Variants in ATP6V0A4 observed in about 807,000 individuals in gnomAD.
ATP6V0A4 encodes the protein ATPase H+ transporting V0 subunit a4, also known as V-type proton ATPase 116 kDa subunit a 4.
Under a neutral mutation model 107.3 loss-of-function variants are expected in ATP6V0A4, and 86 were observed. The ratio of observed to expected loss-of-function variants is 0.80; its 90% CI spans 0.67 to 0.96. ATP6V0A4 has a LOEUF of 0.96. Among genes scored for constraint, ATP6V0A4 ranks in the 40% least tolerant of loss-of-function variants. ATP6V0A4 has a pLI of 0.00. For missense variants in ATP6V0A4, 908 were observed against 1,045.6 expected (o/e 0.87, Z 1.81); for synonymous variants, 353 against 381.4 (o/e 0.93, Z 0.87).
intron 19 of ATP6V0A4, among the ~76,000 whole-genome samples, chr7:138,721,510 G>A (rs1365645381): frequency 1.3e-5 from 2 of 152,106 alleles, no homozygotes; most frequent in African/African-American, 2.4e-5. Flanking sequence ...CTCCAGCCTG[G>A]GCAACAGAGT....
intron 19 of ATP6V0A4, among the ~76,000 whole-genome samples, chr7:138,717,533 G>C (rs1257524983): frequency 6.6e-6 from 1 of 151,000 alleles, no homozygotes; most frequent in Non-Finnish European, 1.5e-5. Flanking sequence ...AACAGAGTGA[G>C]ACTCTGTCTA....
At chr7:138,753,737 G>A (rs879881432) in intron 10 of ATP6V0A4, among the ~76,000 whole-genome samples, 12 of 152,272 alleles carry the variant, frequency 7.9e-5, no homozygotes, top group Admixed American at 2.6e-4. Context: ...TGAGGCCACC[G>A]AAGCATCTCA....
intron 21 of ATP6V0A4, among the ~76,000 whole-genome samples, chr7:138,709,231 A>AAT (rs1562974198): frequency 1.3e-5 from 2 of 149,602 alleles, no homozygotes; most frequent in Non-Finnish European, 1.5e-5. Context: ...AAAAAAAAAA[A>AAT]GCCAAATATT....
At chr7:138,792,309 C>T (rs937289245) in intron 1 of ATP6V0A4, among the ~76,000 whole-genome samples, 4 of 152,068 alleles carry the variant, frequency 2.6e-5, no homozygotes, top group Non-Finnish European at 5.9e-5. Flanking sequence ...AGTTAAAGTT[C>T]TGAGGTCTTC....
chr7:138,784,241 T>TATATATATAC (rs1554402597), intron 2 of ATP6V0A4, among the ~76,000 whole-genome samples: 10 of 39,506 alleles, frequency 2.5e-4, no homozygotes, highest in African/African-American at 7.5e-4. Flanking sequence ...TATACGTATA[T>TATATATATAC]ATATATATAT....
intron 8 of ATP6V0A4, among the ~76,000 whole-genome samples, chr7:138,758,853 T>C (rs892896164): frequency 6.8e-6 from 1 of 146,926 alleles, no homozygotes; most frequent in Admixed American, 7.0e-5. Flanking sequence ...TGGGTACCAG[T>C]GATTCTCCTG....
At chr7:138,763,840 C>T (rs569959089) in intron 5 of ATP6V0A4, among the ~76,000 whole-genome samples, 84 of 151,068 alleles carry the variant, frequency 5.6e-4, no homozygotes, top group African/African-American at 2.0e-3. Flanking sequence ...CAGAAATTAG[C>T]CGGGCAAAAC....
intron 18 of ATP6V0A4, among the ~76,000 whole-genome samples, chr7:138,723,514 C>A (rs1422638128): frequency 9.3e-6 from 1 of 107,302 alleles, no homozygotes; most frequent in Admixed American, 1.2e-4. Context: ...CTGGACCCTT[C>A]TTTCTTTTCT....
In ATP6V0A4 at chr7:138,762,332, A is replaced by G. The variant is rs781538567; in HGVS notation, c.512+8T>C. On this transcript the variant is annotated splice_region_variant and intron_variant, in intron 7 of 21. Coordinates refer to ENST00000310018, the MANE Select transcript of ATP6V0A4 (RefSeq NM_020632.3). ...AGGGACCCATCTACACACAAGAATT[A>G]CACTAACCCCAACTTTCCGGTCATA... is the stretch of plus-strand genomic sequence containing the variant. The G allele has an allele frequency of 2.5e-6, 4 of 1,614,120 alleles. No homozygotes were observed. Among genetic ancestry groups the G allele is most frequent in the Non-Finnish European group, 3.4e-6 (4 of 1,179,984 alleles).
chr7:138,710,762 A>C (rs1181655395), intron 20 of ATP6V0A4, among the ~76,000 whole-genome samples: 8 of 152,148 alleles, frequency 5.3e-5, no homozygotes, highest in Non-Finnish European at 8.8e-5. Context: ...TTTGGTGGTC[A>C]CGGGTCCCCT....
chr7:138,737,127 T>TATATATATATATATATATATATATAA, intron 15 of ATP6V0A4, among the ~76,000 whole-genome samples: 1 of 131,566 alleles, frequency 7.6e-6, no homozygotes, highest in Admixed American at 7.9e-5. Flanking sequence ...TATATATATA[T>TATATATATATATATATATATATATAA]GATACAAACT....
chr7:138,736,188 A>G (rs1359980663), intron 15 of ATP6V0A4, among the ~76,000 whole-genome samples: 1 of 152,220 alleles, frequency 6.6e-6, no homozygotes, highest in Non-Finnish European at 1.5e-5. Flanking sequence ...GGCTGCATTG[A>G]GCCATGATCA....
At chr7:138,715,965 A>C in intron 19 of ATP6V0A4, 84 bp from the exon 20 acceptor site, 1 of 1,558,842 alleles carries the variant, frequency 6.4e-7, no homozygotes, top group East Asian at 2.3e-5. Flanking sequence ...TGAATAAGAC[A>C]TGGGCTTTGC....
chr7:138,744,743 C>A lies in ATP6V0A4; in HGVS notation c.1478+380G>T, dbSNP rs933192313. Among the ~76,000 whole-genome samples the A allele has an allele frequency of 2.6e-5, 4 of 151,994 alleles. No homozygotes were observed. In the East Asian group the frequency reaches 7.7e-4, roughly 29 times the overall value. On this transcript the variant is annotated intron_variant, in intron 14 of 21. Coordinates refer to ENST00000310018, the MANE Select transcript of ATP6V0A4 (RefSeq NM_020632.3). ...TTGGAGATGGAGTCTCACTCTGTCA[C>A]CCAGGCTGGAGTGCAGTGGCGCAAT...
intron 20 of ATP6V0A4, among the ~76,000 whole-genome samples, chr7:138,713,570 C>G (rs1318000770): frequency 6.6e-6 from 1 of 152,074 alleles, no homozygotes; most frequent in East Asian, 1.9e-4. Context: ...AGCTCATAGT[C>G]CAGTAGGAAG....
At chr7:138,709,125 C>T (rs952888876) in intron 21 of ATP6V0A4, among the ~76,000 whole-genome samples, 1 of 150,764 alleles carries the variant, frequency 6.6e-6, no homozygotes, top group Non-Finnish European at 1.5e-5. Context: ...AGGAGAATCG[C>T]CTGAACCCGG....
At chr7:138,751,415 T>C (rs1409952113) in intron 11 of ATP6V0A4, among the ~76,000 whole-genome samples, 2 of 152,014 alleles carry the variant, frequency 1.3e-5, no homozygotes, top group Non-Finnish European at 2.9e-5. Context: ...CAGGGTAATG[T>C]GTTCGGCCAT....
chr7:138,708,401 G>C (rs1404734740), intron 21 of ATP6V0A4, among the ~76,000 whole-genome samples: 3 of 152,106 alleles, frequency 2.0e-5, no homozygotes, highest in African/African-American at 7.2e-5. Flanking sequence ...TGACATGGAG[G>C]GGAATGACGT....
chr7:138,713,670 AAAG>A (rs560035282), intron 20 of ATP6V0A4, among the ~76,000 whole-genome samples: 187 of 152,290 alleles, frequency 1.2e-3, no homozygotes, highest in African/African-American at 4.3e-3. Context: ...GGGGACTAGG[AAAG>A]AAGATTTCCA....
Sources: allele counts gnomAD v4.1 joint callset (sites outside exome capture counted in the v4.1 genomes callset), GRCh38; gene constraint gnomAD v4.1.1; transcripts MANE v1.5; gene names NCBI Gene and HGNC (gene_info 2026-07-23, HGNC 2026-07-21).